The following LRRC4C variants were observed in gnomAD, a reference collection of about 807,000 sequenced individuals.
The protein encoded by LRRC4C is leucine-rich repeat-containing protein 4C.
A neutral mutation model predicts 33.6 loss-of-function variants in LRRC4C; 5 were observed. The observed-to-expected ratio is 0.15, with a 90% CI of 0.08 to 0.31. LRRC4C has a LOEUF of 0.31. Among genes scored for constraint, LRRC4C ranks in the 10% least tolerant of loss-of-function variants. The probability of loss-of-function intolerance (pLI) is 1.00; values close to 1 mark genes in which losing one functional copy is unlikely to be tolerated. For synonymous variants in LRRC4C, 329 were observed against 302.0 expected (o/e 1.09, Z -0.93); for missense variants, 560 against 796.7 (o/e 0.70, Z 3.58).
At chr11:40,370,765 T>C (rs951932286) in intron 3 of LRRC4C, among the ~76,000 whole-genome samples, 1 of 152,200 alleles carries the variant, frequency 6.6e-6, no homozygotes, top group Non-Finnish European at 1.5e-5. Flanking sequence ...CGAAGCTATG[T>C]ACTGCTCAAG....
chr11:40,656,838 T>C (rs1046049884), intron 2 of LRRC4C, among the ~76,000 whole-genome samples: 7 of 152,226 alleles, frequency 4.6e-5, no homozygotes, highest in African/African-American at 1.2e-4. Context: ...GTCAAACTTC[T>C]TCCAGTTAAA....
intron 4 of LRRC4C, among the ~76,000 whole-genome samples, chr11:40,256,435 C>A (rs1252332943): frequency 2.0e-5 from 3 of 152,116 alleles, no homozygotes; most frequent in Non-Finnish European, 4.4e-5. Flanking sequence ...ATAGTCCCTT[C>A]CCTTCCTTCT....
At chr11:41,094,754 A>G (rs908433468) in intron 1 of LRRC4C, among the ~76,000 whole-genome samples, 6 of 152,116 alleles carry the variant, frequency 3.9e-5, no homozygotes, top group South Asian at 2.1e-4. Flanking sequence ...TTTCTTGTCA[A>G]TGGGTCCATC....
intron 1 of LRRC4C, among the ~76,000 whole-genome samples, chr11:41,452,553 C>CT (rs1956060251): frequency 6.6e-6 from 1 of 151,970 alleles, no homozygotes; most frequent in Admixed American, 6.6e-5. Flanking sequence ...ATAATATGAC[C>CT]TTTTCTCTTG....
rs138674507 is a variant in LRRC4C at position 41,116,289 on chromosome 11, T to C, written c.-495-182566A>G. Reference sequence around the variant, plus strand: ...AGCCTCAGGTTTTTCAGCTATAAAATTGAATCATAAAATACCTAGCTCATA... The same window carrying C: ...AGCCTCAGGTTTTTCAGCTATAAAACTGAATCATAAAATACCTAGCTCATA... On this transcript the variant is annotated intron_variant, in intron 1 of 6. Transcript: ENST00000528697. 1.2e-3 allele frequency among the ~76,000 whole-genome samples: 187 copies of C among 152,204 alleles called. 4 individuals carry two copies. The East Asian group carries it at 0.028, about 23-fold the overall frequency.
chr11:40,974,493 C>T (rs1851944693), intron 1 of LRRC4C, among the ~76,000 whole-genome samples: 1 of 152,170 alleles, frequency 6.6e-6, no homozygotes, highest in African/African-American at 2.4e-5. Context: ...ATAAACAAAG[C>T]CAAGATACAA....
intron 1 of LRRC4C, among the ~76,000 whole-genome samples, chr11:41,216,026 A>G (rs921057299): frequency 6.6e-6 from 1 of 152,242 alleles, no homozygotes; most frequent in African/African-American, 2.4e-5. Flanking sequence ...TTATTTAATA[A>G]AGGTTTCTTA....
At chr11:40,893,207 G>T (rs1955797029) in intron 2 of LRRC4C, among the ~76,000 whole-genome samples, 2 of 152,054 alleles carry the variant, frequency 1.3e-5, no homozygotes, top group African/African-American at 4.8e-5. Context: ...TAGAATGATG[G>T]TTACCAGAGG....
intron 3 of LRRC4C, among the ~76,000 whole-genome samples, chr11:40,528,315 C>T (rs907077612): frequency 6.6e-6 from 1 of 151,862 alleles, no homozygotes; most frequent in African/African-American, 2.4e-5. Context: ...ATTATGAATT[C>T]CTATAACTCG....
At position 41,184,231 on chromosome 11, in the gene LRRC4C, C is replaced by A. The variant is rs573346414; in HGVS notation, c.-495-250508G>T. Among the ~76,000 whole-genome samples, 11 of 151,866 alleles carry A rather than the reference C, an allele frequency of 7.2e-5. No homozygotes were observed. The South Asian group carries it at 1.9e-3, about 26-fold the overall frequency. Reference sequence around the variant, plus strand: ...TATTTACGCAAATTTCTGCAGCCAGCTTAAATTTCTCTTCAGAAAATGCGT... The same window carrying A: ...TATTTACGCAAATTTCTGCAGCCAGATTAAATTTCTCTTCAGAAAATGCGT... On this transcript the variant is annotated intron_variant, in intron 1 of 6. Transcript: ENST00000528697.
intron 2 of LRRC4C, among the ~76,000 whole-genome samples, chr11:40,932,064 G>C (rs1227090074): frequency 6.6e-6 from 1 of 152,114 alleles, no homozygotes; most frequent in Non-Finnish European, 1.5e-5. Flanking sequence ...GACATATACA[G>C]TTAAAATAAT....
At chr11:40,354,838 C>A (rs1947582174) in intron 3 of LRRC4C, among the ~76,000 whole-genome samples, 1 of 152,056 alleles carries the variant, frequency 6.6e-6, no homozygotes, top group Admixed American at 6.5e-5. Flanking sequence ...CTACTGTGGC[C>A]AACCTGGTAC....
intron 5 of LRRC4C, among the ~76,000 whole-genome samples, chr11:40,193,263 C>A (rs1195015052): frequency 6.6e-6 from 1 of 152,144 alleles, no homozygotes; most frequent in Non-Finnish European, 1.5e-5. Context: ...AGGAAGCAGG[C>A]AGCAATCTTT....
intron 6 of LRRC4C, among the ~76,000 whole-genome samples, chr11:40,139,615 C>G (rs769019970): frequency 6.6e-6 from 1 of 152,086 alleles, no homozygotes; most frequent in Non-Finnish European, 1.5e-5. Flanking sequence ...GCCAATTATA[C>G]CCCCACATGC....
At chr11:41,441,528 AT>A (rs1955619031) in intron 1 of LRRC4C, among the ~76,000 whole-genome samples, 1 of 149,206 alleles carries the variant, frequency 6.7e-6, no homozygotes, top group Non-Finnish European at 1.5e-5. Context: ...CTCAGCCTCC[AT>A]TTTAAGTAGA....
chr11:40,689,318 A>C (rs1033794618), intron 2 of LRRC4C, among the ~76,000 whole-genome samples: 1 of 151,996 alleles, frequency 6.6e-6, no homozygotes, highest in Admixed American at 6.6e-5. Context: ...TCCATCTTAT[A>C]AGAATTGCAT....
chr11:40,780,788 CTT>C (rs11479844), intron 2 of LRRC4C, among the ~76,000 whole-genome samples: 28 of 143,898 alleles, frequency 1.9e-4, no homozygotes, highest in Admixed American at 4.2e-4. Context: ...TGATAAGAGG[CTT>C]TTTTTTTTTT....
intron 2 of LRRC4C, among the ~76,000 whole-genome samples, chr11:40,826,977 G>A (rs1214424540): frequency 6.6e-6 from 1 of 151,870 alleles, no homozygotes; most frequent in Non-Finnish European, 1.5e-5. Context: ...TACAAATTCC[G>A]TTCTCCTAAG....
At chr11:40,804,636 G>A (rs1951171691) in intron 2 of LRRC4C, among the ~76,000 whole-genome samples, 1 of 152,144 alleles carries the variant, frequency 6.6e-6, no homozygotes, top group Non-Finnish European at 1.5e-5. Flanking sequence ...TTACCCAGTT[G>A]AACTAGTCTA....
Sources: gnomAD v4.1 joint callset for allele counts (sites outside exome capture counted in the v4.1 genomes callset) on GRCh38, gnomAD v4.1.1 for gene constraint, MANE v1.5 for transcripts, NCBI Gene and HGNC (gene_info 2026-07-23, HGNC 2026-07-21) for gene names.